Variants in GPC6 observed in about 807,000 individuals in gnomAD.
GPC6 encodes the protein glypican-6.
Under a neutral mutation model 55.2 loss-of-function variants are expected in GPC6, and 14 were observed. That is an observed-to-expected ratio of 0.25 (90% CI 0.17 to 0.40). GPC6 has a LOEUF of 0.40. Among genes scored for constraint, GPC6 ranks in the 10% least tolerant of loss-of-function variants. GPC6 has a pLI of 1.00. For missense variants in GPC6, 641 were observed against 708.5 expected (o/e 0.90, Z 1.08); for synonymous variants, 278 against 259.6 (o/e 1.07, Z -0.68).
intron 2 of GPC6, among the ~76,000 whole-genome samples, chr13:93,825,013 G>A (rs929636523): frequency 1.3e-5 from 2 of 151,906 alleles, no homozygotes; most frequent in Non-Finnish European, 2.9e-5. Context: ...CCTCAAATTT[G>A]TATTACAAAC....
chr13:93,732,985 A>G (rs946613887), intron 2 of GPC6, among the ~76,000 whole-genome samples: 3 of 152,066 alleles, frequency 2.0e-5, no homozygotes, highest in South Asian at 2.1e-4. Context: ...AGACATCTCA[A>G]TTTTGGCCAG....
chr13:94,215,560 A>G (rs1890201131), intron 4 of GPC6, among the ~76,000 whole-genome samples: 1 of 152,206 alleles, frequency 6.6e-6, no homozygotes, highest in Non-Finnish European at 1.5e-5. Flanking sequence ...ACACATTGCA[A>G]TATCCTGACA....
At chr13:93,800,600 A>C (rs9524224) in intron 2 of GPC6, among the ~76,000 whole-genome samples, 2 of 151,928 alleles carry the variant, frequency 1.3e-5, no homozygotes, top group African/African-American at 4.8e-5. Flanking sequence ...ACAGGTTTCC[A>C]TGTCATGTTA....
rs190872791 is a variant in GPC6 at position 93,471,633 on chromosome 13, G to C, written c.161-73630G>C. On this transcript the variant is annotated intron_variant, in intron 1 of 8. Coordinates refer to ENST00000377047, the MANE Select transcript of GPC6 (RefSeq NM_005708.5). ...TAATTTCTCTTGAAATTTTCTTTTT[G>C]ACCCATAGATTATTTAGAAGTGTGT... Among the ~76,000 whole-genome samples the C allele has an allele frequency of 9.2e-5, 14 of 152,050 alleles. No individual in the cohort carries two copies. The East Asian group carries it at 2.7e-3, about 29-fold the overall frequency.
At chr13:94,178,865 A>G (rs1007719810) in intron 4 of GPC6, among the ~76,000 whole-genome samples, 1 of 152,212 alleles carries the variant, frequency 6.6e-6, no homozygotes, top group Non-Finnish European at 1.5e-5. Flanking sequence ...AAACGGTTGG[A>G]TGTTATGAGT....
intron 2 of GPC6, among the ~76,000 whole-genome samples, chr13:93,742,172 T>C (rs1884229303): frequency 6.6e-6 from 1 of 152,136 alleles, no homozygotes; most frequent in South Asian, 2.1e-4. Flanking sequence ...TGGAGATCTG[T>C]CTTCAAACTG....
At chr13:93,744,110 G>GT (rs1884303051) in intron 2 of GPC6, among the ~76,000 whole-genome samples, 1 of 152,188 alleles carries the variant, frequency 6.6e-6, no homozygotes, top group South Asian at 2.1e-4. Context: ...ATTATTCTCA[G>GT]TTTTTGCCAA....
At chr13:94,000,482 T>A (rs1220656385) in intron 3 of GPC6, among the ~76,000 whole-genome samples, 2 of 152,176 alleles carry the variant, frequency 1.3e-5, no homozygotes, top group Non-Finnish European at 2.9e-5. Flanking sequence ...GCAGGAATTT[T>A]TGAAATATAT....
rs189973905 is a variant in GPC6, at chr13:93,979,958, G to A, written c.712-47771G>A. Among the ~76,000 whole-genome samples the A allele has an allele frequency of 5.0e-3, 768 of 152,098 alleles. 3 individuals are homozygous for A. Among genetic ancestry groups the A allele is most frequent in the Non-Finnish European group, 8.6e-3 (585 of 67,990 alleles). ...CTCAATTTGCAAATTAAAAAAACAA[G>A]TACTAAGAAGATGTGACATACTCAG... On this transcript the variant is annotated intron_variant, in intron 3 of 8. Coordinates refer to ENST00000377047, the MANE Select transcript of GPC6 (RefSeq NM_005708.5).
chr13:93,959,003 A>G (rs1372968418), intron 3 of GPC6, among the ~76,000 whole-genome samples: 2 of 152,158 alleles, frequency 1.3e-5, no homozygotes, highest in Non-Finnish European at 1.5e-5. Flanking sequence ...TAGAAATGCT[A>G]CTGACTTTTG....
At chr13:93,891,737 G>A (rs1410679828) in intron 3 of GPC6, among the ~76,000 whole-genome samples, 4 of 151,868 alleles carry the variant, frequency 2.6e-5, no homozygotes, top group Admixed American at 2.6e-4. Context: ...GTGTGTGTAT[G>A]TATACATACA....
intron 2 of GPC6, among the ~76,000 whole-genome samples, chr13:93,658,594 A>G (rs917607387): frequency 6.6e-6 from 1 of 151,236 alleles, no homozygotes; most frequent in Admixed American, 6.6e-5. Context: ...TTTATTTTTT[A>G]CCCTGTTAAT....
chr13:94,158,380 TA>T (rs56292041), intron 4 of GPC6, among the ~76,000 whole-genome samples: 16,626 of 146,776 alleles, frequency 0.11, 1,029 homozygotes, highest in South Asian at 0.14. Context: ...GATGATGCTT[TA>T]AAAAAAAAAA....
intron 2 of GPC6, among the ~76,000 whole-genome samples, chr13:93,653,889 T>C (rs900180928): frequency 3.3e-5 from 5 of 152,162 alleles, no homozygotes; most frequent in Non-Finnish European, 5.9e-5. Flanking sequence ...GGATAGGCCA[T>C]TGTGAGACAG....
At chr13:94,316,150 G>A (rs868060984) in intron 6 of GPC6, among the ~76,000 whole-genome samples, 2 of 151,902 alleles carry the variant, frequency 1.3e-5, no homozygotes, top group Admixed American at 6.6e-5. Flanking sequence ...ACTCTTCTAT[G>A]GTCTTTTGAA....
intron 4 of GPC6, among the ~76,000 whole-genome samples, chr13:94,118,388 C>T (rs948972099): frequency 5.3e-5 from 8 of 152,184 alleles, no homozygotes; most frequent in Admixed American, 1.3e-4. Context: ...TCTCCCCAGC[C>T]GTACAGAACT....
chr13:93,555,718 TCA>T (rs375537172), intron 2 of GPC6, among the ~76,000 whole-genome samples: 2 of 152,106 alleles, frequency 1.3e-5, no homozygotes, highest in African/African-American at 4.8e-5. Flanking sequence ...ATATGCACAG[TCA>T]CACACACAGG....
chr13:93,442,312 A>G (rs1235648351), intron 1 of GPC6, among the ~76,000 whole-genome samples: 2 of 152,160 alleles, frequency 1.3e-5, no homozygotes, highest in South Asian at 2.1e-4. Context: ...AACCAGTGAA[A>G]TTGCTACTGC....
intron 2 of GPC6, among the ~76,000 whole-genome samples, chr13:93,734,044 T>A (rs554573350): frequency 1.6e-4 from 24 of 152,300 alleles, no homozygotes; most frequent in Admixed American, 1.3e-3. Flanking sequence ...ATATTTGCTA[T>A]TGAATTCATC....
Sources: gnomAD v4.1 joint callset for allele counts (sites outside exome capture counted in the v4.1 genomes callset) on GRCh38, gnomAD v4.1.1 for gene constraint, MANE v1.5 for transcripts, NCBI Gene and HGNC (gene_info 2026-07-23, HGNC 2026-07-21) for gene names.